PTPRQ: variants seen among roughly 807,000 people sequenced by gnomAD.
PTPRQ encodes the protein protein tyrosine phosphatase receptor type Q, also known as phosphatidylinositol phosphatase PTPRQ.
In PTPRQ, 199 loss-of-function variants were observed where a neutral mutation model predicts 246.0. The observed-to-expected ratio is 0.81, with a 90% CI of 0.72 to 0.91. The LOEUF is 0.91. PTPRQ is among the 40% of genes least tolerant of loss of function. PTPRQ has a pLI of 0.00. For missense variants in PTPRQ, 2,624 were observed against 2,528.4 expected, an observed-to-expected ratio of 1.04 and a Z score of -0.81; for synonymous variants, 869 against 853.2, an observed-to-expected ratio of 1.02 and a Z score of -0.32.
chr12:80,616,782 A>C (rs1898779711), intron 30 of PTPRQ, among the ~76,000 whole-genome samples: 1 of 151,154 alleles, frequency 6.6e-6, no homozygotes, highest in South Asian at 2.1e-4. Flanking sequence ...TTTTATAGAA[A>C]ATATAACTAA....
chr12:80,652,856 G>A (rs752938182), intron 38 of PTPRQ, 22 bp downstream of exon 38: 2 of 1,446,614 alleles, frequency 1.4e-6, no homozygotes, highest in Non-Finnish European at 1.8e-6. Context: ...TGTTGGTTTT[G>A]GTTTAGCTAG....
intron 25 of PTPRQ, among the ~76,000 whole-genome samples, chr12:80,582,677 G>T (rs1897481364): frequency 6.6e-6 from 1 of 152,054 alleles, no homozygotes; most frequent in South Asian, 2.1e-4. Flanking sequence ...TCTGTTGTTT[G>T]TAAATCACTC....
chr12:80,562,157 T>C (rs190016806), intron 25 of PTPRQ, among the ~76,000 whole-genome samples: 1 of 152,322 alleles, frequency 6.6e-6, no homozygotes, highest in Admixed American at 6.5e-5. Flanking sequence ...CCACTTGGCA[T>C]TGATGTATGT....
At chr12:80,595,265 C>A (rs1897931395) in intron 26 of PTPRQ, among the ~76,000 whole-genome samples, 1 of 151,948 alleles carries the variant, frequency 6.6e-6, no homozygotes, top group African/African-American at 2.4e-5. Context: ...CTTTGAGTTC[C>A]TTAAAAGCAT....
intron 25 of PTPRQ, chr12:80,583,966 C>T (rs2121002868): frequency 6.6e-6 from 1 of 152,244 alleles, no homozygotes; most frequent in Middle Eastern, 3.4e-3. Context: ...CAGCTCCCTC[C>T]TTCTTGAGAG....
intron 25 of PTPRQ, among the ~76,000 whole-genome samples, chr12:80,562,252 C>CT (rs1442265405): frequency 1.3e-5 from 2 of 152,076 alleles, no homozygotes; most frequent in Non-Finnish European, 2.9e-5. Context: ...CAGTAGTTTG[C>CT]TTTTTTGCAC....
At chr12:80,527,948 G>T (rs1895737320) in intron 17 of PTPRQ, among the ~76,000 whole-genome samples, 1 of 152,114 alleles carries the variant, frequency 6.6e-6, no homozygotes, top group Non-Finnish European at 1.5e-5. Flanking sequence ...AAACAGGTAT[G>T]GTAACATATG....
At chr12:80,496,555 G>T (rs1894631447) in intron 14 of PTPRQ, 24 bp downstream of exon 14, 1 of 1,532,508 alleles carries the variant, frequency 6.5e-7, no homozygotes, top group Non-Finnish European at 8.8e-7. Context: ...TTCTTTGTTT[G>T]TTTAATAATA....
intron 19 of PTPRQ, 112 bp from the exon 20 acceptor site, chr12:80,539,664 C>A: frequency 1.1e-6 from 1 of 887,722 alleles, no homozygotes; most frequent in Non-Finnish European, 1.6e-6. Flanking sequence ...CCTAAAACAA[C>A]ATATTAAAAT....
chr12:80,513,525 G>C (rs1895186794), intron 17 of PTPRQ, among the ~76,000 whole-genome samples: 1 of 152,102 alleles, frequency 6.6e-6, no homozygotes, highest in African/African-American at 2.4e-5. Context: ...CACAGGATGG[G>C]GGCGTGGTGG....
At chr12:80,517,539 G>A (rs561480330) in intron 17 of PTPRQ, among the ~76,000 whole-genome samples, 22 of 151,866 alleles carry the variant, frequency 1.4e-4, no homozygotes, top group African/African-American at 5.3e-4. Flanking sequence ...ATTTTATAAT[G>A]TACAATTAAT....
At chr12:80,583,394 A>G (rs1241633086) in intron 25 of PTPRQ, among the ~76,000 whole-genome samples, 6 of 152,072 alleles carry the variant, frequency 3.9e-5, no homozygotes, top group African/African-American at 1.4e-4. Context: ...TGAATCTTTT[A>G]TATATAATGT....
chr12:80,547,537 C>T (rs955726922), intron 24 of PTPRQ, among the ~76,000 whole-genome samples: 3 of 152,030 alleles, frequency 2.0e-5, no homozygotes, highest in Non-Finnish European at 4.4e-5. Flanking sequence ...TTTATGGCTA[C>T]CTGACACTGT....
chr12:80,663,666 T>C (rs879334607), intron 39 of PTPRQ, among the ~76,000 whole-genome samples: 5 of 151,992 alleles, frequency 3.3e-5, no homozygotes, highest in Non-Finnish European at 5.9e-5. Flanking sequence ...AAAATTCATA[T>C]AAAATATTGA....
chr12:80,488,912 A>G (rs1894363260), intron 9 of PTPRQ, among the ~76,000 whole-genome samples: 1 of 151,990 alleles, frequency 6.6e-6, no homozygotes, highest in Non-Finnish European at 1.5e-5. Context: ...AGGGTTTGAG[A>G]TCTTTTATTT....
intron 8 of PTPRQ, among the ~76,000 whole-genome samples, chr12:80,478,626 G>GA (rs943546004): frequency 5.9e-5 from 9 of 152,160 alleles, no homozygotes; most frequent in Admixed American, 1.3e-4. Context: ...TGAAAACTGT[G>GA]AAAAAAATTT....
intron 39 of PTPRQ, among the ~76,000 whole-genome samples, chr12:80,661,402 A>G (rs971860113): frequency 6.6e-6 from 1 of 150,456 alleles, no homozygotes; most frequent in African/African-American, 2.4e-5. Context: ...TCACTCCTTT[A>G]GCAATAGGAC....
rs917578268 is a variant in PTPRQ at position 80,679,501 on chromosome 12, C to A, written c.*478C>A. On this transcript the variant is annotated 3_prime_UTR_variant, in exon 45 of 45. Transcript: ENST00000644991. ...CCATGTACACCCCTGTGTTTTGAAT[C>A]CTCTGTTTTATGAGTGCTGAGATAT... 2 of 152,482 alleles carry A rather than the reference C, an allele frequency of 1.3e-5. No homozygotes were observed. The highest frequency in any genetic ancestry group is 1.3e-4 in the Admixed American group (2 of 15,234). 9.4% of individuals were successfully genotyped at this position (152,482 alleles called of 1,614,324 possible).
At chr12:80,545,355 GATTCTA>G (rs1359599316) in intron 23 of PTPRQ, among the ~76,000 whole-genome samples, 1 of 151,974 alleles carries the variant, frequency 6.6e-6, no homozygotes, top group Non-Finnish European at 1.5e-5. Flanking sequence ...TTTAAAATAG[GATTCTA>G]ATTGTAAATT....
Sources: gnomAD v4.1 joint callset for allele counts (sites outside exome capture counted in the v4.1 genomes callset) on GRCh38, gnomAD v4.1.1 for gene constraint, MANE v1.5 for transcripts, NCBI Gene and HGNC (gene_info 2026-07-23, HGNC 2026-07-21) for gene names.